Variants in C7orf78 observed in about 807,000 individuals in gnomAD.
C7orf78 encodes chromosome 7 open reading frame 78, also known as putative uncharacterized protein C7orf78.
chr7:12,538,773 ACCC>A, the C7orf78 span, among the ~76,000 whole-genome samples: 3 of 151,612 alleles, frequency 2.0e-5, no homozygotes, highest in Admixed American at 6.6e-5. Context: ...AGTACAGAAG[ACCC>A]CCGTTTTCCT....
chr7:12,495,155 C>T, the C7orf78 span, among the ~76,000 whole-genome samples: 2 of 152,148 alleles, frequency 1.3e-5, no homozygotes, highest in African/African-American at 4.8e-5. Flanking sequence ...GTCATTCATC[C>T]GGGGGATATT....
chr7:12,524,925 A>C, the C7orf78 span, among the ~76,000 whole-genome samples: 1 of 152,114 alleles, frequency 6.6e-6, no homozygotes, highest in Non-Finnish European at 1.5e-5. Context: ...TTTTAGCTGA[A>C]TTAACTTGCT....
At chr7:12,494,330 G>A in the C7orf78 span, among the ~76,000 whole-genome samples, 1 of 152,104 alleles carries the variant, frequency 6.6e-6, no homozygotes, top group Admixed American at 6.6e-5. Flanking sequence ...AAGTAAATAT[G>A]GAACAAGATA....
At chr7:12,528,462 G>A in the C7orf78 span, among the ~76,000 whole-genome samples, 1 of 147,690 alleles carries the variant, frequency 6.8e-6, no homozygotes, top group African/African-American at 2.5e-5. Context: ...TATGCTATGT[G>A]TCACTCACTT....
the C7orf78 span, among the ~76,000 whole-genome samples, chr7:12,526,237 T>C: frequency 6.6e-6 from 1 of 152,098 alleles, no homozygotes; most frequent in African/African-American, 2.4e-5. Flanking sequence ...TGTCTATCTA[T>C]TGGTTTCCTT....
the C7orf78 span, among the ~76,000 whole-genome samples, chr7:12,517,636 T>G: frequency 6.6e-6 from 1 of 152,212 alleles, no homozygotes; most frequent in Non-Finnish European, 1.5e-5. Flanking sequence ...GTCTTCAAGT[T>G]CTGAGATTCT....
chr7:12,520,426 T>G, the C7orf78 span, among the ~76,000 whole-genome samples: 2 of 152,206 alleles, frequency 1.3e-5, no homozygotes, highest in Non-Finnish European at 2.9e-5. Context: ...TAGGTTTTGG[T>G]GTGTTGTATT....
the C7orf78 span, among the ~76,000 whole-genome samples, chr7:12,490,583 T>A: frequency 6.6e-6 from 1 of 152,262 alleles, no homozygotes; most frequent in African/African-American, 2.4e-5. Flanking sequence ...GGAAATTTTA[T>A]TAAAGTGTCT....
At chr7:12,537,906 G>GTA in the C7orf78 span, among the ~76,000 whole-genome samples, 47 of 151,730 alleles carry the variant, frequency 3.1e-4, no homozygotes, top group Middle Eastern at 3.4e-3. Context: ...TATGTACAAT[G>GTA]TATATATATA....
the C7orf78 span, among the ~76,000 whole-genome samples, chr7:12,507,855 C>T: frequency 6.6e-5 from 10 of 152,176 alleles, no homozygotes; most frequent in African/African-American, 2.4e-4. Context: ...CCAGTTTTCC[C>T]AAATACCATG....
chr7:12,508,014 A>G, the C7orf78 span, among the ~76,000 whole-genome samples: 19 of 152,308 alleles, frequency 1.2e-4, no homozygotes, highest in African/African-American at 4.6e-4. Flanking sequence ...TTTTAATCTC[A>G]GTCTACATCA....
chr7:12,527,901 T>C, the C7orf78 span, among the ~76,000 whole-genome samples: 2 of 148,648 alleles, frequency 1.3e-5, no homozygotes, highest in South Asian at 4.4e-4. Context: ...TCCTAGTATA[T>C]GCTATGTGTC....
At chr7:12,487,847 T>C in the C7orf78 span, among the ~76,000 whole-genome samples, 189 of 152,236 alleles carry the variant, frequency 1.2e-3, no homozygotes, top group Non-Finnish European at 1.9e-3. Flanking sequence ...TTTAAAATTT[T>C]TAAATACTTG....
At chr7:12,528,939 G>A in the C7orf78 span, 5 of 398,364 alleles carry the variant, frequency 1.3e-5, no homozygotes, top group Non-Finnish European at 1.8e-5. Flanking sequence ...ATAAACAGAA[G>A]ACTAGTACAG....
chr7:12,536,188 C>T, the C7orf78 span, among the ~76,000 whole-genome samples: 1 of 152,176 alleles, frequency 6.6e-6, no homozygotes, highest in African/African-American at 2.4e-5. Flanking sequence ...CCCATCCCTA[C>T]AGCAAACTTC....
the C7orf78 span, among the ~76,000 whole-genome samples, chr7:12,500,368 A>G: frequency 6.6e-6 from 1 of 151,082 alleles, no homozygotes; most frequent in Non-Finnish European, 1.5e-5. Flanking sequence ...GAAGAATCAA[A>G]TAGACGCAAT....
the C7orf78 span, among the ~76,000 whole-genome samples, chr7:12,487,898 G>A: frequency 3.9e-5 from 6 of 152,108 alleles, no homozygotes; most frequent in Non-Finnish European, 7.4e-5. Flanking sequence ...CAGCTCTCTA[G>A]CATGGGAAAC....
chr7:12,494,849 A>ACT, the C7orf78 span, among the ~76,000 whole-genome samples: 3 of 152,090 alleles, frequency 2.0e-5, no homozygotes, highest in African/African-American at 7.2e-5. Flanking sequence ...TCAACCTACC[A>ACT]CTGAACTGTT....
At chr7:12,536,175 G>C in the C7orf78 span, among the ~76,000 whole-genome samples, 1 of 152,108 alleles carries the variant, frequency 6.6e-6, no homozygotes, top group Non-Finnish European at 1.5e-5. Flanking sequence ...TCTCCATGAG[G>C]ACCCCATCCC....
Sources: allele counts gnomAD v4.1 joint callset (sites outside exome capture counted in the v4.1 genomes callset), GRCh38; gene constraint gnomAD v4.1.1; transcripts MANE v1.5; gene names NCBI Gene and HGNC (gene_info 2026-07-23, HGNC 2026-07-21).